PTPRM: variants seen among roughly 807,000 people sequenced by gnomAD.
PTPRM encodes receptor-type tyrosine-protein phosphatase mu.
PTPRM carries 47 observed loss-of-function variants against 186.7 expected under a neutral mutation model. That is an observed-to-expected ratio of 0.25 (90% CI 0.20 to 0.32). The LOEUF (loss-of-function observed/expected upper bound fraction) is 0.32, where lower values mean the gene tolerates loss of function less well. Among genes scored for constraint, PTPRM ranks in the 10% least tolerant of loss-of-function variants. The probability of loss-of-function intolerance (pLI) is 1.00; values close to 1 mark genes in which losing one functional copy is unlikely to be tolerated. For synonymous variants in PTPRM, 668 were observed against 674.9 expected (o/e 0.99, Z 0.16); for missense variants, 1,494 against 1,865.0 (o/e 0.80, Z 3.66).
At chr18:8,127,072 A>G (rs2092385418) in intron 13 of PTPRM, among the ~76,000 whole-genome samples, 1 of 152,288 alleles carries the variant, frequency 6.6e-6, no homozygotes, top group Admixed American at 6.5e-5. Flanking sequence ...ACTCCAAGCC[A>G]CACTAGAAAC....
chr18:8,361,573 A>G (rs141844457), intron 23 of PTPRM, among the ~76,000 whole-genome samples: 3 of 152,386 alleles, frequency 2.0e-5, no homozygotes, highest in East Asian at 3.9e-4. Flanking sequence ...TGTGGGACCC[A>G]GGATTTGAAC....
chr18:8,195,540 A>G (rs956219769), intron 14 of PTPRM, among the ~76,000 whole-genome samples: 4 of 152,196 alleles, frequency 2.6e-5, no homozygotes, highest in Non-Finnish European at 4.4e-5. Context: ...TCTGTACACT[A>G]TGGGATACTA....
At chr18:8,386,949 A>G in intron 30 of PTPRM, 123 bp from the exon 31 acceptor site, 1 of 1,029,960 alleles carries the variant, frequency 9.7e-7, no homozygotes, top group Non-Finnish European at 1.4e-6. Context: ...CCACGTTGGT[A>G]ATTTGTAGGC....
intron 1 of PTPRM, among the ~76,000 whole-genome samples, chr18:7,756,331 T>C (rs1467216750): frequency 6.6e-6 from 1 of 152,236 alleles, no homozygotes; most frequent in African/African-American, 2.4e-5. Flanking sequence ...CCTCTCCAAG[T>C]GCTCTTGCTT....
intron 2 of PTPRM, among the ~76,000 whole-genome samples, chr18:7,835,939 T>C (rs868545831): frequency 6.6e-5 from 10 of 152,120 alleles, no homozygotes; most frequent in African/African-American, 2.2e-4. Context: ...AGTTTCTATG[T>C]GCCTGGAATA....
At chr18:8,375,534 A>G (rs576301617) in intron 24 of PTPRM, among the ~76,000 whole-genome samples, 33 of 152,238 alleles carry the variant, frequency 2.2e-4, no homozygotes, top group Non-Finnish European at 4.3e-4. Context: ...TCCTACTGCA[A>G]GCATCATCTG....
At chr18:7,696,359 T>C (rs2039843436) in intron 1 of PTPRM, among the ~76,000 whole-genome samples, 1 of 152,224 alleles carries the variant, frequency 6.6e-6, no homozygotes, top group Non-Finnish European at 1.5e-5. Flanking sequence ...CATCTAAATT[T>C]GAATTTTCGT....
At chr18:8,193,279 C>T (rs190532310) in intron 14 of PTPRM, among the ~76,000 whole-genome samples, 1 of 152,228 alleles carries the variant, frequency 6.6e-6, no homozygotes, top group African/African-American at 2.4e-5. Flanking sequence ...GCTCCTTTGC[C>T]TTTACTGTGG....
intron 14 of PTPRM, among the ~76,000 whole-genome samples, chr18:8,171,074 G>C (rs997789520): frequency 1.3e-5 from 2 of 152,190 alleles, no homozygotes; most frequent in African/African-American, 4.8e-5. Flanking sequence ...GGCTATAGGA[G>C]TAGCTAAAAA....
At chr18:8,019,066 G>A (rs1416850642) in intron 7 of PTPRM, among the ~76,000 whole-genome samples, 4 of 152,132 alleles carry the variant, frequency 2.6e-5, no homozygotes, top group African/African-American at 9.7e-5. Context: ...TCTTAGAAAA[G>A]CACTGAATAA....
chr18:8,057,093 T>G (rs1045670135), intron 7 of PTPRM, among the ~76,000 whole-genome samples: 1 of 150,960 alleles, frequency 6.6e-6, no homozygotes, highest in Admixed American at 6.7e-5. Context: ...AGTAGCATTT[T>G]TGAAAATTTT....
intron 1 of PTPRM, chr18:7,741,367 T>G (rs1341323866): frequency 6.6e-6 from 1 of 151,970 alleles, no homozygotes; most frequent in Non-Finnish European, 1.5e-5. Flanking sequence ...CAGAGGAGAG[T>G]GGCCTTCTAC....
chr18:7,963,394 A>C (rs1321413014), intron 7 of PTPRM, among the ~76,000 whole-genome samples: 2 of 152,220 alleles, frequency 1.3e-5, no homozygotes, highest in African/African-American at 2.4e-5. Context: ...GCAATTCTGC[A>C]TGAGAGGTTC....
At chr18:8,133,247 G>A (rs2092557161) in intron 13 of PTPRM, among the ~76,000 whole-genome samples, 1 of 152,076 alleles carries the variant, frequency 6.6e-6, no homozygotes, top group South Asian at 2.1e-4. Context: ...ATTTTGCAGA[G>A]GACATTCAAA....
At chr18:7,830,369 C>A (rs2045697468) in intron 2 of PTPRM, among the ~76,000 whole-genome samples, 1 of 152,196 alleles carries the variant, frequency 6.6e-6, no homozygotes, top group South Asian at 2.1e-4. Context: ...TACACATTTA[C>A]AGACATGCAC....
At chr18:7,686,979 A>G (rs1488661689) in intron 1 of PTPRM, among the ~76,000 whole-genome samples, 1 of 152,216 alleles carries the variant, frequency 6.6e-6, no homozygotes, top group Non-Finnish European at 1.5e-5. Context: ...ACTGTTTTAT[A>G]AGACAAATAT....
At chr18:8,194,141 C>T (rs931670003) in intron 14 of PTPRM, among the ~76,000 whole-genome samples, 1 of 152,204 alleles carries the variant, frequency 6.6e-6, no homozygotes, top group African/African-American at 2.4e-5. Flanking sequence ...TGTCTAAACA[C>T]CACAGTTCAA....
At chr18:7,983,278 A>C (rs2082657290) in intron 7 of PTPRM, among the ~76,000 whole-genome samples, 1 of 151,982 alleles carries the variant, frequency 6.6e-6, no homozygotes, top group African/African-American at 2.4e-5. Flanking sequence ...CGAGGGATCT[A>C]AGTTGCAAGC....
chr18:7,887,913 C>G, intron 2 of PTPRM, 193 bp from the exon 3 acceptor site: 2 of 775,602 alleles, frequency 2.6e-6, no homozygotes, highest in Admixed American at 1.7e-5. Flanking sequence ...ACTATGTGCA[C>G]TCTTGAGAAC....
Sources: gnomAD v4.1 joint callset for allele counts (sites outside exome capture counted in the v4.1 genomes callset) on GRCh38, gnomAD v4.1.1 for gene constraint, MANE v1.5 for transcripts, NCBI Gene and HGNC (gene_info 2026-07-23, HGNC 2026-07-21) for gene names.